Variants in GLP2R observed in about 807,000 individuals in gnomAD.
The protein encoded by GLP2R is glucagon like peptide 2 receptor.
GLP2R carries 59 observed loss-of-function variants against 68.2 expected under a neutral mutation model. The ratio of observed to expected loss-of-function variants is 0.87; its 90% CI spans 0.70 to 1.07. The LOEUF (loss-of-function observed/expected upper bound fraction) is 1.07, where lower values mean the gene tolerates loss of function less well. Ranked by LOEUF, GLP2R falls within the 50% of genes least tolerant of loss-of-function variation. The pLI is 0.00. For synonymous variants in GLP2R, 270 were observed against 265.4 expected (o/e 1.02, Z -0.17); for missense variants, 548 against 677.4 (o/e 0.81, Z 2.12).
chr17:9,879,251 C>T (rs966214989), intron 10 of GLP2R, among the ~76,000 whole-genome samples: 1 of 113,426 alleles, frequency 8.8e-6, no homozygotes, highest in Non-Finnish European at 1.8e-5. Flanking sequence ...AAGATCCCCT[C>T]TCTATAAAAT....
Position 9,841,526 on chromosome 17 carries a change from G to A in GLP2R, c.383-969G>A, listed in dbSNP as rs1021568186. On this transcript the variant is annotated intron_variant, in intron 3 of 12. Transcript: ENST00000262441. The stretch of plus-strand genomic sequence containing the variant: ...AGATTAGCTAGAGGACCTGAGGAAG[G>A]CTATGAGAGACAGAAGGGGAGGGTG... 2.6e-5 allele frequency among the ~76,000 whole-genome samples: 4 copies of A among 152,174 alleles called. No homozygotes were observed. In the East Asian group the frequency reaches 5.8e-4, roughly 22 times the overall value.
chr17:9,865,935 C>T (rs1330544880), intron 9 of GLP2R: 1 of 470,938 alleles, frequency 2.1e-6, no homozygotes, highest in East Asian at 6.9e-5. Flanking sequence ...TGACATATAC[C>T]CCAGAGAAAG....
At chr17:9,860,991 T>G in intron 7 of GLP2R, 148 bp from the exon 8 acceptor site, 1 of 641,748 alleles carries the variant, frequency 1.6e-6, no homozygotes, top group Non-Finnish European at 2.9e-6. Flanking sequence ...TGTGCCACCC[T>G]GGGTCTCTCC....
chr17:9,870,018 G>T (rs903808054), intron 9 of GLP2R, among the ~76,000 whole-genome samples: 4 of 152,168 alleles, frequency 2.6e-5, no homozygotes, highest in African/African-American at 9.7e-5. Context: ...CTAGGGAGTA[G>T]AGAGCATATT....
rs775969089 is a variant in GLP2R, at chr17:9,862,064, C to T, written c.1030C>T (p.Arg344Ter). 1.4e-5 allele frequency: 23 copies of T among 1,613,316 alleles called. No homozygotes were observed. Among genetic ancestry groups the T allele is most frequent in the Admixed American group, 6.7e-5 (4 of 59,992 alleles). Residue 344 changes from arginine (R) to a stop codon, truncating the protein, a stop_gained, in exon 9 of 13, where the codon CGA becomes TGA. Coordinates refer to ENST00000262441, the MANE Select transcript of GLP2R (RefSeq NM_004246.3). LOFTEE classifies it high-confidence loss of function. Reference protein sequence around the residue: ...NGNKKIWWIIRGPMMLCVTVN... With the variant: ...NGNKKIWWII ...GAATAAGAAAATCTGGTGGATCATC[C>T]GAGGACCCATGATGCTCTGTGTAAC...
At chr17:9,878,640 A>T (rs1318173556) in intron 10 of GLP2R, among the ~76,000 whole-genome samples, 2 of 152,118 alleles carry the variant, frequency 1.3e-5, no homozygotes, top group Non-Finnish European at 2.9e-5. Context: ...TCACACAATC[A>T]CATGGCCAGG....
chr17:9,859,554 A>C (rs892470040), intron 6 of GLP2R, among the ~76,000 whole-genome samples: 1 of 151,796 alleles, frequency 6.6e-6, no homozygotes, highest in Admixed American at 6.6e-5. Context: ...GCACTTTGGG[A>C]GGCCAGGGCG....
chr17:9,883,604 G>A (rs1202437079), intron 11 of GLP2R, among the ~76,000 whole-genome samples: 1 of 152,072 alleles, frequency 6.6e-6, no homozygotes, highest in South Asian at 2.1e-4. Flanking sequence ...AATATTGAAA[G>A]CAACAAGAGA....
intron 2 of GLP2R, 136 bp from the exon 3 acceptor site, chr17:9,836,235 C>G: frequency 1.6e-6 from 1 of 642,430 alleles, no homozygotes; most frequent in Non-Finnish European, 2.8e-6. Context: ...GAGAGTGGGG[C>G]ACCCATGCTG....
chr17:9,873,064 C>G (rs1052756127), intron 10 of GLP2R, among the ~76,000 whole-genome samples: 1 of 152,200 alleles, frequency 6.6e-6, no homozygotes, highest in African/African-American at 2.4e-5. Context: ...AGCAGTCTCT[C>G]TGGCTCCCTT....
At chr17:9,869,400 G>A (rs922478551) in intron 9 of GLP2R, among the ~76,000 whole-genome samples, 2 of 152,140 alleles carry the variant, frequency 1.3e-5, no homozygotes, top group African/African-American at 2.4e-5. Flanking sequence ...CTGCAGAAAC[G>A]GACCCCCCTC....
At chr17:9,852,538 A>G (rs1204812202) in intron 4 of GLP2R, among the ~76,000 whole-genome samples, 1 of 152,230 alleles carries the variant, frequency 6.6e-6, no homozygotes, top group Non-Finnish European at 1.5e-5. Flanking sequence ...AGAAACTAGG[A>G]AAAAAACCTC....
rs1302133258 is a variant in GLP2R, at chr17:9,888,046, C to G, written c.1326+73C>G. On this transcript the variant is annotated intron_variant, in intron 12 of 12. Coordinates refer to ENST00000262441, the MANE Select transcript of GLP2R (RefSeq NM_004246.3). ...CAACCCTACCCACCTCTGGAGGTTT[C>G]TGTGGATGGGATGATGCTACGGGAG... The G allele has an allele frequency of 4.9e-6, 5 of 1,028,394 alleles. No individual in the cohort carries two copies. In the African/African-American group the frequency reaches 7.9e-5, roughly 16 times the overall value. The allele number at this position is 1,028,394 out of a possible 1,614,324, so 63.7% of individuals were successfully genotyped here.
rs3073988 is a variant in GLP2R, at chr17:9,873,556, CTTT to C, written c.1145+2742_1145+2744del. On this transcript the variant is annotated intron_variant, in intron 10 of 12. Transcript: ENST00000262441. ...GGATATCACAAAAACTATGCATGGA[CTTT>C]TTTTTTTTTTTTTTTTTTTTAGCTC... Among the ~76,000 whole-genome samples the C allele has an allele frequency of 1.9e-4, 10 of 52,072 alleles. 1 individual carries two copies. The highest frequency in any genetic ancestry group is 8.9e-4 in the East Asian group (2 of 2,248). 34.2% of individuals were successfully genotyped at this position (52,072 alleles called of 152,430 possible). A position where few individuals can be genotyped will look rare whatever the true frequency, so the allele number is the denominator to read the frequency against.
At chr17:9,834,830 G>C (rs187986339) in intron 2 of GLP2R, 1 of 152,272 alleles carries the variant, frequency 6.6e-6, no homozygotes, top group Non-Finnish European at 1.5e-5. Context: ...ACCACCTCTC[G>C]CTTTGGAGAA....
At chr17:9,852,193 G>C (rs1438146720) in intron 4 of GLP2R, among the ~76,000 whole-genome samples, 1 of 152,026 alleles carries the variant, frequency 6.6e-6, no homozygotes, top group Non-Finnish European at 1.5e-5. Context: ...CATGCATTAG[G>C]TATTTGCTGT....
chr17:9,887,401 G>A (rs546601051), intron 11 of GLP2R, among the ~76,000 whole-genome samples: 22 of 152,238 alleles, frequency 1.4e-4, no homozygotes, highest in African/African-American at 2.6e-4. Context: ...GGTGGCGTCC[G>A]CCTGTAATTC....
At chr17:9,873,904 A>G (rs149782143) in intron 10 of GLP2R, among the ~76,000 whole-genome samples, 4 of 152,284 alleles carry the variant, frequency 2.6e-5, no homozygotes, top group Non-Finnish European at 5.9e-5. Flanking sequence ...GCCATTATAA[A>G]TGTCATGCAG....
chr17:9,871,926 T>C (rs1392093048), intron 10 of GLP2R, among the ~76,000 whole-genome samples: 7 of 152,108 alleles, frequency 4.6e-5, no homozygotes, highest in African/African-American at 1.7e-4. Context: ...AGTTTCACCA[T>C]GTTGGCCAGG....
Sources: gnomAD v4.1 joint callset for allele counts (sites outside exome capture counted in the v4.1 genomes callset) on GRCh38, gnomAD v4.1.1 for gene constraint, MANE v1.5 for transcripts, NCBI Gene and HGNC (gene_info 2026-07-23, HGNC 2026-07-21) for gene names.